ZNF787: variants seen among roughly 807,000 people sequenced by gnomAD.
The protein encoded by ZNF787 is TTF-I-interacting peptide 20.
In ZNF787, 7 loss-of-function variants were observed where a neutral mutation model predicts 16.9. That is an observed-to-expected ratio of 0.42 (90% CI 0.24 to 0.78). The LOEUF (loss-of-function observed/expected upper bound fraction) is 0.78. Ranked by LOEUF, ZNF787 falls within the 30% of genes least tolerant of loss-of-function variation. The pLI, the probability that ZNF787 is intolerant of heterozygous loss-of-function variation, is 0.30. For missense variants in ZNF787, 551 were observed against 589.3 expected (o/e 0.94, Z 0.67); for synonymous variants, 345 against 270.9 (o/e 1.27, Z -2.69).
chr19:56,119,729 A>AT (rs1303429928), intron 1 of ZNF787, among the ~76,000 whole-genome samples: 1 of 152,226 alleles, frequency 6.6e-6, no homozygotes, highest in African/African-American at 2.4e-5. Context: ...GGATGGATGG[A>AT]TAAGACATGA....
chr19:56,102,517 T>C (rs577850542), intron 2 of ZNF787: 1 of 229,782 alleles, frequency 4.4e-6, no homozygotes, highest in Non-Finnish European at 8.5e-6. Flanking sequence ...GGGCCCCACG[T>C]AGCCCACAAA....
chr19:56,093,468 T>C (rs1403620510), intron 2 of ZNF787, among the ~76,000 whole-genome samples: 1 of 152,142 alleles, frequency 6.6e-6, no homozygotes, highest in Non-Finnish European at 1.5e-5. Flanking sequence ...CGCACCGTCC[T>C]CCTTCCCCTC....
At chr19:56,115,354 CTTTTTT>C (rs543989293) in intron 1 of ZNF787, among the ~76,000 whole-genome samples, 1 of 113,184 alleles carries the variant, frequency 8.8e-6, no homozygotes, top group Non-Finnish European at 1.8e-5. Flanking sequence ...GATTTCGCTG[CTTTTTT>C]TTTTTTTTTT....
rs928424367 is a variant in ZNF787 at position 56,099,883 on chromosome 19, G to A, written c.79+3256C>T. Among the ~76,000 whole-genome samples the A allele has an allele frequency of 2.0e-4, 30 of 152,130 alleles. 1 individual carries two copies. Among genetic ancestry groups the A allele is most frequent in the Admixed American group, 1.3e-3 (20 of 15,270 alleles). ...GGGCTGGGAGGCTGGACAGGCGGCG[G>A]ATTCTCGCTCCCGTCAAGCCAGGAC... On this transcript the variant is annotated intron_variant, in intron 2 of 2. Coordinates refer to ENST00000610935, the MANE Select transcript of ZNF787 (RefSeq NM_001002836.4).
At chr19:56,103,548 C>T (rs996799462) in intron 1 of ZNF787, 9 of 353,996 alleles carry the variant, frequency 2.5e-5, no homozygotes, top group Admixed American at 4.6e-5. Flanking sequence ...CGCGCCTCCT[C>T]GCGCCTCAGC....
intron 1 of ZNF787, among the ~76,000 whole-genome samples, chr19:56,112,665 C>T (rs1363794367): frequency 1.3e-5 from 2 of 151,496 alleles, no homozygotes; most frequent in Non-Finnish European, 2.9e-5. Context: ...TCTCTTATTC[C>T]TTCCCCTCTA....
chr19:56,111,193 CT>C (rs2029969298), intron 1 of ZNF787, among the ~76,000 whole-genome samples: 1 of 131,386 alleles, frequency 7.6e-6, no homozygotes, highest in Non-Finnish European at 1.6e-5. Flanking sequence ...GGGGTGCACA[CT>C]TTCCAGGCCA....
At chr19:56,105,822 ACAAT>A (rs780811502) in intron 1 of ZNF787, among the ~76,000 whole-genome samples, 9 of 152,144 alleles carry the variant, frequency 5.9e-5, no homozygotes, top group Admixed American at 3.3e-4. Flanking sequence ...GACCCTCACC[ACAAT>A]CAACTTTACA....
Position 56,103,226 on chromosome 19 carries a change from C to G in ZNF787, c.-9G>C. 1.3e-6 allele frequency: 2 copies of G among 1,548,402 alleles called. No homozygotes were observed. The highest frequency in any genetic ancestry group is 1.7e-6 in the Non-Finnish European group (2 of 1,147,334). On this transcript the variant is annotated splice_region_variant and 5_prime_UTR_variant, in exon 2 of 3. Transcript: ENST00000610935. ...TCTTCCCGCAGCTCCATGTCTGGGT[C>G]CCTGTTAGAAGGGGATGAGACAGAA... is the stretch of plus-strand genomic sequence containing the variant.
chr19:56,095,390 C>G (rs114899628), intron 2 of ZNF787, among the ~76,000 whole-genome samples: 2,360 of 152,224 alleles, frequency 0.016, 62 homozygotes, highest in African/African-American at 0.053. Context: ...CATCCTGTCC[C>G]TTATCTTTTT....
chr19:56,108,294 G>GC (rs2029887503), intron 1 of ZNF787, among the ~76,000 whole-genome samples: 1 of 102,888 alleles, frequency 9.7e-6, no homozygotes, highest in Admixed American at 1.0e-4. Context: ...CCCCTGCCCA[G>GC]AACTCCCAGC....
chr19:56,111,301 G>A (rs1473746564), intron 1 of ZNF787, among the ~76,000 whole-genome samples: 1 of 152,116 alleles, frequency 6.6e-6, no homozygotes, highest in African/African-American at 2.4e-5. Flanking sequence ...CTGGGCAGCT[G>A]GGAGGGAGGC....
chr19:56,089,629 G>A (rs566881493), intron 2 of ZNF787, among the ~76,000 whole-genome samples: 1 of 152,292 alleles, frequency 6.6e-6, no homozygotes, highest in Non-Finnish European at 1.5e-5. Flanking sequence ...GACAATCCTG[G>A]CTGCAGACAG....
At chr19:56,115,164 T>C (rs946806484) in intron 1 of ZNF787, among the ~76,000 whole-genome samples, 1 of 152,058 alleles carries the variant, frequency 6.6e-6, no homozygotes, top group African/African-American at 2.4e-5. Context: ...CACCCTTTCC[T>C]GTTCATTCTA....
intron 2 of ZNF787, among the ~76,000 whole-genome samples, chr19:56,096,164 C>G (rs1985858723): frequency 1.3e-5 from 2 of 151,754 alleles, no homozygotes; most frequent in South Asian, 4.2e-4. Flanking sequence ...GAGGCCAAAG[C>G]AGGAGGTTAA....
chr19:56,090,541 G>T (rs886955937), intron 2 of ZNF787, among the ~76,000 whole-genome samples: 25 of 152,160 alleles, frequency 1.6e-4, no homozygotes, highest in African/African-American at 6.0e-4. Flanking sequence ...TTTATGCACT[G>T]CCCGGAGCGG....
rs1415964190 is a variant in ZNF787, at chr19:56,087,792, A to G, written c.*231T>C. ...CCGGCTCGCAGGCCGATAACTTAGG[A>G]AGGGCGGGCCAGGCTGAGGGGGCAG... On this transcript the variant is annotated 3_prime_UTR_variant, in exon 3 of 3. Coordinates refer to ENST00000610935, the MANE Select transcript of ZNF787 (RefSeq NM_001002836.4). 1.6e-6 allele frequency: 1 copy of G among 614,864 alleles called. No individual in the cohort carries two copies. Among genetic ancestry groups the G allele is most frequent in the African/African-American group, 1.9e-5 (1 of 51,494 alleles). 38.1% of individuals were successfully genotyped at this position (614,864 alleles called of 1,614,324 possible). A position where few individuals can be genotyped will look rare whatever the true frequency, so the allele number is the denominator to read the frequency against.
intron 1 of ZNF787, among the ~76,000 whole-genome samples, chr19:56,106,964 C>T (rs1324368189): frequency 6.6e-6 from 1 of 152,250 alleles, no homozygotes; most frequent in Admixed American, 6.5e-5. Context: ...GCCAGCCCCA[C>T]TGCAGGGTGC....
At chr19:56,120,324 C>T (rs1163943968) in intron 1 of ZNF787, among the ~76,000 whole-genome samples, 1 of 147,180 alleles carries the variant, frequency 6.8e-6, no homozygotes, top group Non-Finnish European at 1.5e-5. Context: ...GCTCCCTGGA[C>T]TGGGGGTCGG....
Sources: allele counts gnomAD v4.1 joint callset (sites outside exome capture counted in the v4.1 genomes callset), GRCh38; gene constraint gnomAD v4.1.1; transcripts MANE v1.5; gene names NCBI Gene and HGNC (gene_info 2026-07-23, HGNC 2026-07-21).